The following PARD3B variants were observed in gnomAD, a reference collection of about 807,000 sequenced individuals.
PARD3B encodes partitioning defective 3 homolog B.
In PARD3B, 103 loss-of-function variants were observed where a neutral mutation model predicts 130.2. The ratio of observed to expected loss-of-function variants is 0.79; its 90% confidence interval spans 0.67 to 0.93. The LOEUF (loss-of-function observed/expected upper bound fraction) is 0.93, where lower values mean the gene tolerates loss of function less well. PARD3B is among the 40% of genes least tolerant of loss of function. The pLI, the probability that PARD3B is intolerant of heterozygous loss-of-function variation, is 0.00. For synonymous variants in PARD3B, 583 were observed against 553.2 expected, an observed-to-expected ratio of 1.05 and a Z score of -0.76; for missense variants, 1,609 against 1,499.2, an observed-to-expected ratio of 1.07 and a Z score of -1.21.
intron 19 of PARD3B, among the ~76,000 whole-genome samples, chr2:205,415,511 C>T (rs996605309): frequency 1.3e-5 from 2 of 152,146 alleles, no homozygotes; most frequent in Non-Finnish European, 1.5e-5. Flanking sequence ...TATTCAATGT[C>T]TCAAGTGTGT....
In PARD3B at chr2:205,154,067, G is replaced by C. The variant is rs192956891; in HGVS notation, c.1435-4655G>C. 3.4e-4 allele frequency among the ~76,000 whole-genome samples: 52 copies of C among 152,266 alleles called. No individual in the cohort carries two copies. The East Asian group carries it at 8.9e-3, about 26-fold the overall frequency. Reference sequence around the variant, plus strand: ...AAATGAGATCTAATTAAACTAAAGAGCTTCTGCACAGCAAAAGAAACTACC... The same window carrying C: ...AAATGAGATCTAATTAAACTAAAGACCTTCTGCACAGCAAAAGAAACTACC... On this transcript the variant is annotated intron_variant, in intron 10 of 22. Transcript: ENST00000406610.
At chr2:205,012,884 AC>A (rs1695833500) in intron 3 of PARD3B, among the ~76,000 whole-genome samples, 1 of 152,250 alleles carries the variant, frequency 6.6e-6, no homozygotes, top group African/African-American at 2.4e-5. Context: ...GAGATCTCAG[AC>A]ACATGAGAAA....
intron 1 of PARD3B, among the ~76,000 whole-genome samples, chr2:204,632,796 A>G (rs552286700): frequency 1.3e-5 from 2 of 152,244 alleles, no homozygotes; most frequent in Non-Finnish European, 2.9e-5. Flanking sequence ...TGGGTGGGCC[A>G]TCACCCCACC....
chr2:205,274,585 A>G lies in PARD3B; in HGVS notation c.2186-25945A>G, dbSNP rs559061345. 2.0e-5 allele frequency among the ~76,000 whole-genome samples: 3 copies of G among 152,072 alleles called. No homozygotes were observed. The highest frequency in any genetic ancestry group is 7.2e-5 in the African/African-American group (3 of 41,520). On this transcript the variant is annotated intron_variant, in intron 16 of 22. Transcript: ENST00000406610. The surrounding 1 kb of genome is among the most constrained non-coding windows in gnomAD (Gnocchi z 4.2). ...TGATATCCCTTAATTTACATGGTAT[A>G]CTTTTACATTGATTTTTTTATAAAT... is the stretch of plus-strand genomic sequence containing the variant.
At chr2:204,803,181 T>TATATATAA (rs1157897187) in intron 2 of PARD3B, among the ~76,000 whole-genome samples, 2 of 144,162 alleles carry the variant, frequency 1.4e-5, no homozygotes, top group Non-Finnish European at 3.0e-5. Flanking sequence ...TATATATATA[T>TATATATAA]AATCCTAGAT....
At chr2:205,224,118 C>A (rs2038392148) in intron 15 of PARD3B, among the ~76,000 whole-genome samples, 1 of 149,252 alleles carries the variant, frequency 6.7e-6, no homozygotes, top group Admixed American at 6.7e-5. Context: ...ACCTGTAATC[C>A]CAGCACTTTG....
rs13413975 is a variant in PARD3B, at chr2:204,673,849, T to C, written c.121-12332T>C. Among the ~76,000 whole-genome samples, 3,356 of 152,294 alleles carry C rather than the reference T, an allele frequency of 0.022. 128 individuals are homozygous for C. The highest frequency in any genetic ancestry group is 0.077 in the African/African-American group (3,198 of 41,546). On this transcript the variant is annotated intron_variant, in intron 1 of 22. Transcript: ENST00000406610. This position sits in a 1 kb window ranked among gnomAD's most constrained non-coding sequence, Gnocchi z 4.7. ...CCAAGAGCTGGATTTTTATTCTCTT[T>C]TTTCTTAGATGTTGCAAGAACTCAA...
At position 205,300,240 on chromosome 2, in the gene PARD3B, T is replaced by C. The variant is rs1470249334; in HGVS notation, c.2186-290T>C. The stretch of plus-strand genomic sequence containing the variant: ...CTACAGCCTTTCAAATTCATAGGTG[T>C]GTGTGTATATGCCTATAGACACACA... On this transcript the variant is annotated intron_variant, in intron 16 of 22. Coordinates refer to ENST00000406610, the MANE Select transcript of PARD3B (RefSeq NM_001302769.2). The surrounding 1 kb of genome is among the most constrained non-coding windows in gnomAD (Gnocchi z 4.1). Among the ~76,000 whole-genome samples the C allele has an allele frequency of 2.0e-5, 3 of 152,320 alleles. No homozygotes were observed. The highest frequency in any genetic ancestry group is 2.1e-4 in the South Asian group (1 of 4,826).
chr2:205,533,732 TG>T (rs1168846212), intron 21 of PARD3B, among the ~76,000 whole-genome samples: 5 of 152,082 alleles, frequency 3.3e-5, no homozygotes, highest in African/African-American at 1.2e-4. Flanking sequence ...GTTTTTTGTT[TG>T]TTTGTTTGTT....
intron 2 of PARD3B, among the ~76,000 whole-genome samples, chr2:204,898,797 T>C (rs1189418261): frequency 6.6e-6 from 1 of 152,310 alleles, no homozygotes; most frequent in East Asian, 1.9e-4. Context: ...TATTTCTGGG[T>C]GCTTTGTGTT....
At position 205,341,516 on chromosome 2, in the gene PARD3B, A is replaced by T. The variant is rs984123158; in HGVS notation, c.2630+39815A>T. Among the ~76,000 whole-genome samples the T allele has an allele frequency of 6.6e-6, 1 of 152,070 alleles. No homozygotes were observed. The highest frequency in any genetic ancestry group is 2.4e-5 in the African/African-American group (1 of 41,372). ...AGAAAGATAAATACTGCATGTTCTTATGTATATGTAGAAGCTAAAAAAAAT... is the reference window on the plus strand; with the variant it reads ...AGAAAGATAAATACTGCATGTTCTTTTGTATATGTAGAAGCTAAAAAAAAT... On this transcript the variant is annotated intron_variant, in intron 18 of 22. Coordinates refer to ENST00000406610, the MANE Select transcript of PARD3B (RefSeq NM_001302769.2). This position sits in a 1 kb window ranked among gnomAD's most constrained non-coding sequence, Gnocchi z 4.3.
chr2:204,586,136 G>T (rs2032813159), intron 1 of PARD3B, among the ~76,000 whole-genome samples: 1 of 152,194 alleles, frequency 6.6e-6, no homozygotes, highest in African/African-American at 2.4e-5. Context: ...TGAGTCTGAT[G>T]TCATAAAGGG....
At chr2:205,413,658 C>G (rs1263482744) in intron 19 of PARD3B, among the ~76,000 whole-genome samples, 2 of 152,110 alleles carry the variant, frequency 1.3e-5, no homozygotes, top group African/African-American at 4.8e-5. Flanking sequence ...GGCAGTAGGA[C>G]AGTGGAAATG....
intron 18 of PARD3B, among the ~76,000 whole-genome samples, chr2:205,370,340 GTAT>G (rs1210450031): frequency 5.3e-5 from 8 of 152,168 alleles, no homozygotes; most frequent in Non-Finnish European, 1.2e-4. Context: ...GCATATTTAA[GTAT>G]TAACAGAATA....
At chr2:204,619,448 A>G (rs1015949507) in intron 1 of PARD3B, among the ~76,000 whole-genome samples, 3 of 152,234 alleles carry the variant, frequency 2.0e-5, no homozygotes, top group Non-Finnish European at 4.4e-5. Context: ...TGTCACTAGT[A>G]TCAAACAGTT....
chr2:205,013,191 G>A (rs1180702903), intron 3 of PARD3B, among the ~76,000 whole-genome samples: 2 of 152,088 alleles, frequency 1.3e-5, no homozygotes, highest in Non-Finnish European at 2.9e-5. Flanking sequence ...ACTTCCCCAC[G>A]CAGGCACAGA....
chr2:205,405,467 G>T lies in PARD3B; in HGVS notation c.2741+4344G>T, dbSNP rs1019852047. On this transcript the variant is annotated intron_variant, in intron 19 of 22. Coordinates refer to ENST00000406610, the MANE Select transcript of PARD3B (RefSeq NM_001302769.2). The surrounding 1 kb of genome is among the most constrained non-coding windows in gnomAD (Gnocchi z 4.1). ...AGGTACTCTCCTAGACATCAGAATT[G>T]CATTGTGTCATATTTCCTGTGGATA... Among the ~76,000 whole-genome samples the T allele has an allele frequency of 6.6e-6, 1 of 152,106 alleles. No homozygotes were observed. The highest frequency in any genetic ancestry group is 1.5e-5 in the Non-Finnish European group (1 of 68,028).
At chr2:205,339,802 T>C (rs1019509164) in intron 18 of PARD3B, among the ~76,000 whole-genome samples, 3 of 152,040 alleles carry the variant, frequency 2.0e-5, no homozygotes, top group Admixed American at 2.0e-4. Flanking sequence ...CAATTTTATA[T>C]AGAGAATAAC....
chr2:204,963,059 T>C (rs1320292249), intron 2 of PARD3B, among the ~76,000 whole-genome samples: 2 of 152,194 alleles, frequency 1.3e-5, no homozygotes, highest in Non-Finnish European at 2.9e-5. Context: ...TTGTAGCCTC[T>C]CTTTTTACAG....
Sources: allele counts gnomAD v4.1 joint callset (sites outside exome capture counted in the v4.1 genomes callset), GRCh38; gene constraint gnomAD v4.1.1; non-coding constraint Gnocchi (gnomAD v3.1); transcripts MANE v1.5; gene names NCBI Gene and HGNC (gene_info 2026-07-23, HGNC 2026-07-21).